LGR5: variants seen among roughly 807,000 people sequenced by gnomAD.
LGR5 encodes the protein leucine rich repeat containing G protein-coupled receptor 5.
Under a neutral mutation model 76.7 loss-of-function variants are expected in LGR5, and 54 were observed. That is an observed-to-expected ratio of 0.70 (90% CI 0.57 to 0.88). The LOEUF (loss-of-function observed/expected upper bound fraction) is 0.88, where lower values mean the gene tolerates loss of function less well. Ranked by LOEUF, LGR5 falls within the 40% of genes least tolerant of loss-of-function variation. The pLI, the probability that LGR5 is intolerant of heterozygous loss-of-function variation, is 0.00. For synonymous variants in LGR5, 406 were observed against 421.9 expected (o/e 0.96, Z 0.46); for missense variants, 1,078 against 1,073.3 (o/e 1.00, Z -0.06).
At chr12:71,522,867 G>A (rs77996656) in intron 2 of LGR5, among the ~76,000 whole-genome samples, 7,749 of 152,266 alleles carry the variant, frequency 0.051, 201 homozygotes, top group Middle Eastern at 0.065. Context: ...CTTGTAATCA[G>A]TGGGAAAGCA....
At chr12:71,542,621 T>C (rs1364257077) in intron 4 of LGR5, among the ~76,000 whole-genome samples, 1 of 152,120 alleles carries the variant, frequency 6.6e-6, no homozygotes, top group African/African-American at 2.4e-5. Flanking sequence ...AAATTACCAG[T>C]GTTTGGTAAT....
chr12:71,488,807 T>G (rs918518715), intron 1 of LGR5, among the ~76,000 whole-genome samples: 1 of 152,182 alleles, frequency 6.6e-6, no homozygotes, highest in Non-Finnish European at 1.5e-5. Flanking sequence ...AATTTTAGTT[T>G]CAAGATGCCA....
At chr12:71,554,999 T>A (rs937792252) in intron 5 of LGR5, among the ~76,000 whole-genome samples, 8 of 152,184 alleles carry the variant, frequency 5.3e-5, no homozygotes, top group African/African-American at 9.7e-5. Flanking sequence ...ATCATTCCAC[T>A]TGATGACATG....
At chr12:71,481,304 T>A (rs567878870) in intron 1 of LGR5, among the ~76,000 whole-genome samples, 1 of 152,056 alleles carries the variant, frequency 6.6e-6, no homozygotes, top group East Asian at 1.9e-4. Flanking sequence ...TGTCCATGTG[T>A]TCTCATTGTT....
chr12:71,528,109 A>G (rs187815469), intron 3 of LGR5, among the ~76,000 whole-genome samples: 1 of 152,248 alleles, frequency 6.6e-6, no homozygotes, highest in Non-Finnish European at 1.5e-5. Flanking sequence ...CTTAGTTTAT[A>G]CATCCTGTCT....
chr12:71,527,149 G>T (rs1299557375), intron 3 of LGR5, among the ~76,000 whole-genome samples: 8 of 152,186 alleles, frequency 5.3e-5, no homozygotes, highest in Non-Finnish European at 1.2e-4. Flanking sequence ...CTGTCAGTGT[G>T]AGGAGAGTTC....
At chr12:71,518,724 C>T (rs2701078) in intron 2 of LGR5, among the ~76,000 whole-genome samples, 148,814 of 152,280 alleles carry the variant, frequency 0.98, 72,802 homozygotes, top group Middle Eastern at 1. Flanking sequence ...CCATTATCCT[C>T]AGTGAACTAA....
At chr12:71,548,079 A>G (rs1877284557) in intron 4 of LGR5, among the ~76,000 whole-genome samples, 1 of 152,212 alleles carries the variant, frequency 6.6e-6, no homozygotes, top group African/African-American at 2.4e-5. Flanking sequence ...TATCTGAATG[A>G]AGGCAAGGCC....
intron 15 of LGR5, 42 bp from the exon 16 acceptor site, chr12:71,580,235 CG>C (rs1332308521): frequency 1.4e-5 from 22 of 1,535,264 alleles, no homozygotes; most frequent in Non-Finnish European, 1.9e-5. Flanking sequence ...TTTAATTATC[CG>C]TTTCTTTAAG....
chr12:71,571,720 G>C, intron 12 of LGR5, 141 bp downstream of exon 12: 2 of 603,086 alleles, frequency 3.3e-6, no homozygotes, highest in Non-Finnish European at 5.9e-6. Context: ...AGGTGTGACT[G>C]TGCAGTGTGC....
chr12:71,524,290 C>G, intron 2 of LGR5, 116 bp from the exon 3 acceptor site: 1 of 676,724 alleles, frequency 1.5e-6, no homozygotes, highest in Non-Finnish European at 2.4e-6. Flanking sequence ...AAGTTGTTTA[C>G]AGTTGCTTTT....
intron 1 of LGR5, chr12:71,441,581 T>C (rs535437713): frequency 6.6e-6 from 1 of 152,324 alleles, no homozygotes; most frequent in African/African-American, 2.4e-5. Context: ...AGGTAGTGAT[T>C]CTTTTTCTGG....
At chr12:71,559,970 A>C (rs1877975637) in intron 7 of LGR5, among the ~76,000 whole-genome samples, 1 of 152,180 alleles carries the variant, frequency 6.6e-6, no homozygotes, top group Non-Finnish European at 1.5e-5. Context: ...GTAGATTTTT[A>C]GTAGTAGAAC....
At chr12:71,494,102 C>T (rs970549297) in intron 1 of LGR5, among the ~76,000 whole-genome samples, 1 of 150,172 alleles carries the variant, frequency 6.7e-6, no homozygotes, top group Non-Finnish European at 1.5e-5. Context: ...TGCCACCATG[C>T]CCGGCTAATT....
chr12:71,582,977 G>A (rs920770381), intron 17 of LGR5, among the ~76,000 whole-genome samples: 7 of 137,422 alleles, frequency 5.1e-5, no homozygotes, highest in African/African-American at 1.9e-4. Context: ...AGGAAGGAAG[G>A]AAGGAGAAGG....
At chr12:71,568,175 A>G (rs1002364166) in intron 11 of LGR5, among the ~76,000 whole-genome samples, 2 of 152,206 alleles carry the variant, frequency 1.3e-5, no homozygotes, top group African/African-American at 2.4e-5. Flanking sequence ...GCTATGTCAC[A>G]CAATGAGTGG....
chr12:71,569,271 G>C (rs187401507), intron 11 of LGR5, among the ~76,000 whole-genome samples: 1 of 152,072 alleles, frequency 6.6e-6, no homozygotes, highest in Admixed American at 6.6e-5. Flanking sequence ...TGATGAAATC[G>C]CCTAAAGCAA....
rs75549683 is a variant in LGR5, at chr12:71,451,030, A to T, written c.212+10738A>T. On this transcript the variant is annotated intron_variant, in intron 1 of 17. Coordinates refer to ENST00000266674, the MANE Select transcript of LGR5 (RefSeq NM_003667.4). ...AGCTCCCTGTTAAAAGAAAAACCTT[A>T]GGCAAATTAAACTTAACAGAGTTTA... Among the ~76,000 whole-genome samples, 249 of 152,300 alleles carry T rather than the reference A, an allele frequency of 1.6e-3. 3 individuals are homozygous for T. The East Asian group carries it at 0.025, about 15-fold the overall frequency.
chr12:71,502,736 TAA>T (rs1446024720), intron 1 of LGR5, among the ~76,000 whole-genome samples: 2 of 152,192 alleles, frequency 1.3e-5, no homozygotes, highest in Non-Finnish European at 1.5e-5. Context: ...TCCTCCACCA[TAA>T]AAAGTGTTCA....
Sources: gnomAD v4.1 joint callset for allele counts (sites outside exome capture counted in the v4.1 genomes callset) on GRCh38, gnomAD v4.1.1 for gene constraint, MANE v1.5 for transcripts, NCBI Gene and HGNC (gene_info 2026-07-23, HGNC 2026-07-21) for gene names.